GRB10: variants seen among roughly 807,000 people sequenced by gnomAD.
The protein encoded by GRB10 is growth factor receptor-bound protein 10.
GRB10 carries 20 observed loss-of-function variants against 80.9 expected under a neutral mutation model. That is an observed-to-expected ratio of 0.25 (90% confidence interval 0.17 to 0.36). The LOEUF is 0.36. Among genes scored for constraint, GRB10 ranks in the 10% least tolerant of loss-of-function variants. The pLI is 1.00. For synonymous variants in GRB10, 291 were observed against 291.5 expected (o/e 1.00, Z 0.02); for missense variants, 548 against 747.7 (o/e 0.73, Z 3.12).
chr7:50,727,544 T>A (rs2068848758), intron 4 of GRB10, among the ~76,000 whole-genome samples: 1 of 152,288 alleles, frequency 6.6e-6, no homozygotes, highest in African/African-American at 2.4e-5. Flanking sequence ...GTAAACTATT[T>A]ACTAATATGT....
chr7:50,718,861 T>C (rs529349802), intron 4 of GRB10, among the ~76,000 whole-genome samples: 1 of 152,134 alleles, frequency 6.6e-6, no homozygotes, highest in East Asian at 1.9e-4. Flanking sequence ...GTTGAACCCC[T>C]CAAAATCTTT....
intron 7 of GRB10, among the ~76,000 whole-genome samples, chr7:50,642,112 A>G (rs2056366175): frequency 6.6e-6 from 1 of 152,138 alleles, no homozygotes; most frequent in Admixed American, 6.5e-5. Flanking sequence ...GTCCTGTTGC[A>G]TTCCACTCAC....
intron 3 of GRB10, among the ~76,000 whole-genome samples, chr7:50,751,979 A>G (rs555125908): frequency 8.5e-5 from 13 of 152,098 alleles, no homozygotes; most frequent in Non-Finnish European, 1.5e-4. Flanking sequence ...GTTTAAAGAC[A>G]CTTTACTTAA....
Position 50,703,838 on chromosome 7 carries a change from C to T in GRB10, c.122G>A (p.Arg41Gln), listed in dbSNP as rs202022963. 5.3e-5 allele frequency: 85 copies of T among 1,612,838 alleles called. No homozygotes were observed. Among genetic ancestry groups the T allele is most frequent in the African/African-American group, 3.2e-4 (24 of 75,008 alleles). ...TTCCTTACCCTGGTGATTCGCAAGT[C>T]GGTCAGACTGTGCGGGGAGTCCTGG... ...AGPGLPAQSD[R>Q]LANHQEDDVD... is the part of the protein sequence containing the mutation. Residue 41 changes from arginine to glutamine, a missense_variant, in exon 5 of 19, where the codon CGA (arginine) becomes CAA (glutamine). By Grantham distance (43) the Arg-to-Gln change is conservative (BLOSUM62 1). This residue lies in a region of GRB10 where 245 missense variants were observed against 229.3 expected (regional missense o/e 1.07). Transcript: ENST00000401949.
intron 4 of GRB10, among the ~76,000 whole-genome samples, chr7:50,720,455 G>A (rs1334574953): frequency 6.6e-6 from 1 of 152,050 alleles, no homozygotes; most frequent in Non-Finnish European, 1.5e-5. Context: ...CTCATAACCG[G>A]TGGCAGCAAA....
At chr7:50,664,763 G>C (rs1157198024) in intron 7 of GRB10, among the ~76,000 whole-genome samples, 1 of 152,156 alleles carries the variant, frequency 6.6e-6, no homozygotes, top group Non-Finnish European at 1.5e-5. Context: ...CCGGAGCATG[G>C]TGCTTGGCCT....
At chr7:50,635,962 CTTTTTTTTTTTTTTTT>C (rs56411780) in intron 7 of GRB10, among the ~76,000 whole-genome samples, 2 of 70,998 alleles carry the variant, frequency 2.8e-5, no homozygotes, top group Non-Finnish European at 4.6e-5. Context: ...TTTTCCTTTC[CTTTTTTTTTTTTTTTT>C]TTTTTTTTTT....
chr7:50,627,058 G>A (rs916387425), intron 7 of GRB10, 80 bp from the exon 8 acceptor site: 1 of 1,456,420 alleles, frequency 6.9e-7, no homozygotes, highest in African/African-American at 1.4e-5. Context: ...AAGAAAACAG[G>A]TAAAGTAAAA....
chr7:50,752,010 G>A (rs371340070), intron 3 of GRB10, among the ~76,000 whole-genome samples: 5 of 152,162 alleles, frequency 3.3e-5, no homozygotes, highest in African/African-American at 9.7e-5. Flanking sequence ...GAGGTATCTC[G>A]TTGGCTGATC....
In GRB10 at chr7:50,639,597, G is replaced by A. The variant is rs189791598; in HGVS notation, c.505-12619C>T. On this transcript the variant is annotated intron_variant, in intron 7 of 18. Transcript: ENST00000401949. ...CTGAGGCGGGAGAATGGCGTGAACC[G>A]GGGAGGCGGAGCTTGCAGTGAGCCG... Among the ~76,000 whole-genome samples the A allele has an allele frequency of 8.7e-3, 1,319 of 152,108 alleles. 17 individuals carry two copies. The highest frequency in any genetic ancestry group is 0.029 in the African/African-American group (1,200 of 41,492).
At chr7:50,687,173 TG>T (rs1341629254) in intron 5 of GRB10, among the ~76,000 whole-genome samples, 3 of 152,334 alleles carry the variant, frequency 2.0e-5, no homozygotes, top group African/African-American at 7.2e-5. Flanking sequence ...TTTAGTTTCT[TG>T]GAAAAAGGCC....
At chr7:50,749,173 G>A (rs2073687533) in intron 3 of GRB10, among the ~76,000 whole-genome samples, 1 of 135,958 alleles carries the variant, frequency 7.4e-6, no homozygotes, top group Admixed American at 8.6e-5. Flanking sequence ...CTGTCATCCA[G>A]GCTGGAGTGC....
At chr7:50,626,673 G>GA in intron 8 of GRB10, 149 bp downstream of exon 8, 2 of 854,546 alleles carry the variant, frequency 2.3e-6, no homozygotes, top group Non-Finnish European at 3.9e-6. Context: ...AATTTTAGGA[G>GA]AAACAGGAGA....
chr7:50,657,048 C>T (rs1320553172), intron 7 of GRB10, among the ~76,000 whole-genome samples: 3 of 152,154 alleles, frequency 2.0e-5, no homozygotes, highest in Admixed American at 1.3e-4. Flanking sequence ...TGGCACAAAT[C>T]GGTACTCATC....
intron 7 of GRB10, chr7:50,645,738 T>A: frequency 2.1e-6 from 1 of 472,100 alleles, no homozygotes; most frequent in Non-Finnish European, 2.8e-6. Flanking sequence ...CTAGAGTTTC[T>A]TGAAACTACA....
chr7:50,783,809 T>C (rs777453673), upstream of GRB10, among the ~76,000 whole-genome samples: 14 of 152,136 alleles, frequency 9.2e-5, no homozygotes, highest in Non-Finnish European at 7.4e-5. Context: ...GGCAGGGCGC[T>C]GGGAAAACCC....
intron 2 of GRB10, among the ~76,000 whole-genome samples, chr7:50,761,124 A>G (rs1205860041): frequency 6.6e-6 from 1 of 152,248 alleles, no homozygotes; most frequent in Non-Finnish European, 1.5e-5. Context: ...GCAGAAACCA[A>G]GGCTAGGAGA....
intron 10 of GRB10, among the ~76,000 whole-genome samples, chr7:50,616,744 A>G (rs2050713056): frequency 6.6e-6 from 1 of 152,224 alleles, no homozygotes; most frequent in Admixed American, 6.5e-5. Context: ...CAAGGGTCAC[A>G]TAAAAGGTGT....
At chr7:50,607,042 G>A (rs1223700101) in intron 13 of GRB10, 1 of 153,344 alleles carries the variant, frequency 6.5e-6, no homozygotes, top group Non-Finnish European at 1.4e-5. Context: ...CCAGAAACAT[G>A]AGCCCATTTT....
Sources: allele counts gnomAD v4.1 joint callset (sites outside exome capture counted in the v4.1 genomes callset), GRCh38; gene constraint gnomAD v4.1.1; regional missense constraint gnomAD v4.1.1; transcripts MANE v1.5; gene names NCBI Gene and HGNC (gene_info 2026-07-23, HGNC 2026-07-21).